SHANK2: variants seen among roughly 807,000 people sequenced by gnomAD.
SHANK2 encodes SH3 and multiple ankyrin repeat domains 2.
SHANK2 carries 43 observed loss-of-function variants against 133.7 expected under a neutral mutation model. The observed-to-expected ratio is 0.32, with a 90% CI of 0.25 to 0.41. SHANK2 has a LOEUF of 0.41. SHANK2 is among the 10% of genes least tolerant of loss of function. The pLI is 1.00. For missense variants in SHANK2, 1,994 were observed against 2,235.8 expected, an observed-to-expected ratio of 0.89 and a Z score of 2.18; for synonymous variants, 1,017 against 952.8, an observed-to-expected ratio of 1.07 and a Z score of -1.24.
intron 15 of SHANK2, among the ~76,000 whole-genome samples, chr11:70,677,982 C>A (rs764010236): frequency 3.9e-5 from 6 of 152,150 alleles, no homozygotes; most frequent in African/African-American, 1.4e-4. Flanking sequence ...CCATGGTGTC[C>A]AGTTCATTTA....
chr11:70,793,094 A>T (rs1947830352), intron 14 of SHANK2, among the ~76,000 whole-genome samples: 1 of 152,218 alleles, frequency 6.6e-6, no homozygotes, highest in Admixed American at 6.5e-5. Flanking sequence ...CGTGGAAGAA[A>T]AAAAGAATAA....
intron 9 of SHANK2, among the ~76,000 whole-genome samples, chr11:71,071,352 A>G (rs1216457816): frequency 6.6e-6 from 1 of 152,184 alleles, no homozygotes; most frequent in Non-Finnish European, 1.5e-5. Flanking sequence ...TGAGTGGGGG[A>G]AGTCTGCAGC....
At chr11:70,936,539 A>T (rs1437676378) in intron 10 of SHANK2, among the ~76,000 whole-genome samples, 1 of 152,174 alleles carries the variant, frequency 6.6e-6, no homozygotes, top group Non-Finnish European at 1.5e-5. Context: ...AGAATTATAT[A>T]AAAAAGTAAA....
intron 14 of SHANK2, among the ~76,000 whole-genome samples, chr11:70,787,222 C>T (rs1947682016): frequency 6.7e-6 from 1 of 149,010 alleles, no homozygotes; most frequent in South Asian, 2.1e-4. Context: ...TGACCACCAC[C>T]ACTAGGATCA....
In SHANK2 at chr11:71,133,671, A is replaced by C. The variant is rs143138547; in HGVS notation, c.207+13449T>G. Among the ~76,000 whole-genome samples the C allele has an allele frequency of 3.1e-3, 478 of 152,144 alleles. 2 individuals are homozygous for C. The highest frequency in any genetic ancestry group is 0.011 in the African/African-American group (453 of 41,508). ...GGGCCTCCCTGGTTAGGCTGGAGTC[A>C]GTGTTGGGCCACACTCCATGGACTC... On this transcript the variant is annotated intron_variant, in intron 3 of 25. Coordinates refer to ENST00000601538, the MANE Select transcript of SHANK2 (RefSeq NM_012309.5).
At position 70,936,699 on chromosome 11, in the gene SHANK2, C is replaced by T. The variant is rs116723231; in HGVS notation, c.1108-40132G>A. The stretch of plus-strand genomic sequence containing the variant: ...CAGAGCTGAAACAGTTCTCCACTAA[C>T]GAACAGGTTCATAGAGAGCTGGTGC... On this transcript the variant is annotated intron_variant, in intron 10 of 25. Coordinates refer to ENST00000601538, the MANE Select transcript of SHANK2 (RefSeq NM_012309.5). Among the ~76,000 whole-genome samples, 649 of 152,274 alleles carry T rather than the reference C, an allele frequency of 4.3e-3. 5 individuals are homozygous for T. The highest frequency in any genetic ancestry group is 0.015 in the African/African-American group (626 of 41,560).
rs191387984 is a variant in SHANK2, at chr11:70,525,841, G to A, written c.2062-22910C>T. ...GTGGAGGTGATGGCGGGAAAGTCCT[G>A]TTCTCAGAAGCTTCCTTCCCCCTCC... On this transcript the variant is annotated intron_variant, in intron 17 of 25. Transcript: ENST00000601538. Among the ~76,000 whole-genome samples the A allele has an allele frequency of 7.2e-5, 11 of 152,030 alleles. No individual in the cohort carries two copies. In the East Asian group the frequency reaches 2.1e-3, roughly 30 times the overall value.
chr11:70,699,408 C>A (rs1591761352), intron 14 of SHANK2, among the ~76,000 whole-genome samples: 1 of 151,980 alleles, frequency 6.6e-6, no homozygotes, highest in African/African-American at 2.4e-5. Flanking sequence ...AGAAAAAAAA[C>A]ACACACACAA....
intron 3 of SHANK2, among the ~76,000 whole-genome samples, chr11:71,139,472 T>C (rs1442468055): frequency 1.3e-5 from 2 of 151,942 alleles, no homozygotes; most frequent in Non-Finnish European, 2.9e-5. Context: ...CTGCACATTG[T>C]GCACATGGAC....
intron 12 of SHANK2, among the ~76,000 whole-genome samples, chr11:70,819,167 G>A (rs150799530): frequency 3.5e-4 from 53 of 152,364 alleles, no homozygotes; most frequent in African/African-American, 1.1e-3. Context: ...ACATGGCAAC[G>A]GCCGGGGAAG....
At chr11:70,712,348 C>A (rs1033191150) in intron 14 of SHANK2, among the ~76,000 whole-genome samples, 5 of 152,196 alleles carry the variant, frequency 3.3e-5, no homozygotes, top group Non-Finnish European at 7.3e-5. Context: ...CTCCACGTGA[C>A]CATGAGGCTG....
At chr11:70,495,351 G>C (rs549330) in intron 21 of SHANK2, among the ~76,000 whole-genome samples, 148,059 of 152,294 alleles carry the variant, frequency 0.97, 72,121 homozygotes, top group East Asian at 1. Flanking sequence ...GCCGGCCTCT[G>C]TTCCCTGGCC....
intron 10 of SHANK2, among the ~76,000 whole-genome samples, chr11:70,918,970 G>T (rs1034902877): frequency 1.3e-5 from 2 of 152,010 alleles, no homozygotes; most frequent in Non-Finnish European, 2.9e-5. Context: ...TTGAGACCAG[G>T]CTGGACAGCA....
Position 70,586,008 on chromosome 11 carries a change from G to T in SHANK2, c.2061+73820C>A, listed in dbSNP as rs191409470. On this transcript the variant is annotated intron_variant, in intron 17 of 25. Transcript: ENST00000601538. ...CAACCTCCCATAGGGAGACAGCTGG[G>T]AAAAAGACCGATTCAACCCTGACCT... Among the ~76,000 whole-genome samples the T allele has an allele frequency of 1.0e-3, 153 of 152,208 alleles. 1 individual carries two copies. The highest frequency in any genetic ancestry group is 3.4e-3 in the Middle Eastern group (1 of 294).
chr11:71,248,129 C>T (rs782216503), intron 1 of SHANK2, among the ~76,000 whole-genome samples: 17 of 152,228 alleles, frequency 1.1e-4, no homozygotes, highest in African/African-American at 3.9e-4. Flanking sequence ...CATTGTCCCC[C>T]GCCCTGCAAA....
At chr11:70,919,252 A>G (rs1217347194) in intron 10 of SHANK2, among the ~76,000 whole-genome samples, 1 of 152,192 alleles carries the variant, frequency 6.6e-6, no homozygotes, top group Non-Finnish European at 1.5e-5. Flanking sequence ...ACCGCCTCAC[A>G]TGCTGACCAT....
In SHANK2 at chr11:71,075,265, T is replaced by C; in HGVS notation, c.923A>G (p.Tyr308Cys). ...GTGCTCCAGGTGCTGCACGTGCCCG[T>C]ACCTGCAGGCCTGAAACACAGAACC... ...GWHEIHQACR[Y>C]GHVQHLEHLL... The change falls in exon 9 of 26, where the codon TAC becomes TGC. Residue 308 changes from tyrosine to cysteine, a missense_variant. By Grantham distance (194) the Tyr-to-Cys change is radical. Transcript: ENST00000601538. 4.4e-6 allele frequency: 1 copy of C among 225,444 alleles called. No homozygotes were observed. The highest frequency in any genetic ancestry group is 9.4e-6 in the Non-Finnish European group (1 of 106,650). The allele number at this position is 225,444 out of a possible 1,614,324, so 14.0% of individuals were successfully genotyped here. A position where few individuals can be genotyped will look rare whatever the true frequency, so the allele number is the denominator to read the frequency against.
chr11:71,176,462 A>C (rs1289688505), intron 2 of SHANK2, among the ~76,000 whole-genome samples: 2 of 152,264 alleles, frequency 1.3e-5, no homozygotes, highest in African/African-American at 4.8e-5. Context: ...TAGCAGACAA[A>C]GCATTCAAAT....
At chr11:70,551,405 T>C (rs2059766553) in intron 17 of SHANK2, among the ~76,000 whole-genome samples, 1 of 151,422 alleles carries the variant, frequency 6.6e-6, no homozygotes, top group Non-Finnish European at 1.5e-5. Context: ...ACCTCTTAAT[T>C]TGTGGGCAGA....
Sources: allele counts gnomAD v4.1 joint callset (sites outside exome capture counted in the v4.1 genomes callset), GRCh38; gene constraint gnomAD v4.1.1; transcripts MANE v1.5; gene names NCBI Gene and HGNC (gene_info 2026-07-23, HGNC 2026-07-21).